SPHKAP: variants seen among roughly 807,000 people sequenced by gnomAD.
SPHKAP encodes the protein A-kinase anchor protein SPHKAP.
SPHKAP carries 67 observed loss-of-function variants against 137.5 expected under a neutral mutation model. That is an observed-to-expected ratio of 0.49 (90% CI 0.40 to 0.60). The LOEUF is 0.60. SPHKAP is among the 20% of genes least tolerant of loss of function. The probability of loss-of-function intolerance (pLI) is 0.00; values close to 1 mark genes in which losing one functional copy is unlikely to be tolerated. For missense variants in SPHKAP, 2,097 were observed against 2,069.3 expected (o/e 1.01, Z -0.26); for synonymous variants, 813 against 785.3 (o/e 1.04, Z -0.59).
At chr2:228,096,173 T>C (rs1298658412) in intron 3 of SPHKAP, among the ~76,000 whole-genome samples, 1 of 152,116 alleles carries the variant, frequency 6.6e-6, no homozygotes, top group Non-Finnish European at 1.5e-5. Flanking sequence ...ATGGCAAGCA[T>C]TCTAATGAAA....
At chr2:228,063,290 T>G (rs1281369268) in intron 3 of SPHKAP, among the ~76,000 whole-genome samples, 1 of 152,140 alleles carries the variant, frequency 6.6e-6, no homozygotes, top group Non-Finnish European at 1.5e-5. Flanking sequence ...TTGTTTTTGG[T>G]GTTGATGTCA....
chr2:228,099,938 C>G (rs1024645303), intron 3 of SPHKAP, among the ~76,000 whole-genome samples: 2 of 152,006 alleles, frequency 1.3e-5, no homozygotes, highest in African/African-American at 4.8e-5. Context: ...CAAGCTCCGC[C>G]TCCTGGGTTC....
At chr2:228,164,340 A>G (rs567793458) in intron 1 of SPHKAP, among the ~76,000 whole-genome samples, 1 of 152,200 alleles carries the variant, frequency 6.6e-6, no homozygotes, top group African/African-American at 2.4e-5. Flanking sequence ...CAGCTTGCAG[A>G]TGTCCTATTG....
intron 11 of SPHKAP, among the ~76,000 whole-genome samples, chr2:227,982,965 C>G (rs549214008): frequency 1.3e-5 from 2 of 151,970 alleles, no homozygotes; most frequent in Non-Finnish European, 2.9e-5. Context: ...ATTCTATGTT[C>G]TTGATATTTA....
In SPHKAP at chr2:228,149,144, TAGAG is replaced by T. The variant is rs535338014; in HGVS notation, c.33-17063_33-17060del. ...GTGTTTCTCAGGCTTAATATTCTAATAGAGAGAATTTTAAGACCACATAATTTAT... is the reference window on the plus strand; with the variant it reads ...GTGTTTCTCAGGCTTAATATTCTAATAGAATTTTAAGACCACATAATTTAT... On this transcript the variant is annotated intron_variant, in intron 1 of 11. Coordinates refer to ENST00000392056, the MANE Select transcript of SPHKAP (RefSeq NM_001142644.2). Among the ~76,000 whole-genome samples, 14 of 152,302 alleles carry T rather than the reference TAGAG, an allele frequency of 9.2e-5. No homozygotes were observed. The South Asian group carries it at 1.2e-3, about 14-fold the overall frequency.
chr2:228,022,058 T>C (rs1481155985), intron 5 of SPHKAP, 92 bp from the exon 6 acceptor site: 7 of 1,440,274 alleles, frequency 4.9e-6, no homozygotes, highest in Non-Finnish European at 6.4e-6. Context: ...GCTCTCCTGT[T>C]AATAGGAGTG....
chr2:227,999,807 G>A (rs2106175641), intron 7 of SPHKAP, among the ~76,000 whole-genome samples: 1 of 152,314 alleles, frequency 6.6e-6, no homozygotes, highest in South Asian at 2.1e-4. Context: ...ATGCACAGAG[G>A]TGTTGTGCAG....
At chr2:228,121,930 C>A (rs186501483) in intron 2 of SPHKAP, among the ~76,000 whole-genome samples, 157 of 152,110 alleles carry the variant, frequency 1.0e-3, no homozygotes, top group Middle Eastern at 6.8e-3. Flanking sequence ...GCTATGAGGA[C>A]AGGTGGGGAA....
At chr2:228,126,928 A>G (rs565524946) in intron 2 of SPHKAP, among the ~76,000 whole-genome samples, 1 of 152,212 alleles carries the variant, frequency 6.6e-6, no homozygotes, top group East Asian at 1.9e-4. Context: ...TCAATTTGCA[A>G]TTTTTTTCAG....
chr2:228,173,242 T>G (rs1324748097), intron 1 of SPHKAP, among the ~76,000 whole-genome samples: 1 of 152,176 alleles, frequency 6.6e-6, no homozygotes, highest in Non-Finnish European at 1.5e-5. Context: ...TAGTAGAATT[T>G]CATGTGTCAT....
At chr2:228,081,927 A>G (rs1697376364) in intron 3 of SPHKAP, among the ~76,000 whole-genome samples, 1 of 152,194 alleles carries the variant, frequency 6.6e-6, no homozygotes, top group South Asian at 2.1e-4. Context: ...AAAATTGCTA[A>G]GAAAGTAAAT....
intron 3 of SPHKAP, among the ~76,000 whole-genome samples, chr2:228,043,441 C>T (rs1463559256): frequency 6.6e-6 from 1 of 152,180 alleles, no homozygotes; most frequent in Non-Finnish European, 1.5e-5. Context: ...ATTCTCATGC[C>T]TCAGCCTCCC....
intron 7 of SPHKAP, among the ~76,000 whole-genome samples, chr2:228,002,300 T>G (rs1693939047): frequency 6.6e-6 from 1 of 152,232 alleles, no homozygotes; most frequent in African/African-American, 2.4e-5. Context: ...TGGTTTTGAT[T>G]TGCATTTCTC....
intron 2 of SPHKAP, among the ~76,000 whole-genome samples, chr2:228,116,940 C>A (rs1158931225): frequency 6.6e-6 from 1 of 152,026 alleles, no homozygotes. Context: ...TTTTTCATAT[C>A]ATTCCACCTG....
rs1487948537 is a variant in SPHKAP, at chr2:228,021,711, C to T, written c.697G>A (p.Asp233Asn). The T allele has an allele frequency of 1.2e-6, 2 of 1,607,084 alleles. No individual in the cohort carries two copies. The highest frequency in any genetic ancestry group is 1.1e-5 in the South Asian group (1 of 89,662). ...GAGGCACTAATTGGAAAGTTCTCAC[C>T]GTTCCTAGATTCATCCACCTCGCTT... ...EESEVDESRN[D>N]YENINVSANV... Residue 233 changes from aspartate to asparagine, a missense_variant and splice_region_variant, in exon 6 of 12, where the codon GAT becomes AAT. Transcript: ENST00000392056.
intron 3 of SPHKAP, among the ~76,000 whole-genome samples, chr2:228,071,072 C>T (rs1335620613): frequency 1.3e-5 from 2 of 152,128 alleles, no homozygotes; most frequent in Non-Finnish European, 2.9e-5. Context: ...TTGTCTACAC[C>T]TTCTTCTTGT....
intron 1 of SPHKAP, among the ~76,000 whole-genome samples, chr2:228,154,508 C>CTG (rs1331355468): frequency 1.2e-4 from 4 of 34,576 alleles, no homozygotes; most frequent in Non-Finnish European, 2.0e-4. Context: ...CTCTCTCTCT[C>CTG]TCTCTATATA....
At chr2:228,132,761 G>C (rs1699293515) in intron 1 of SPHKAP, among the ~76,000 whole-genome samples, 2 of 151,890 alleles carry the variant, frequency 1.3e-5, no homozygotes, top group Non-Finnish European at 2.9e-5. Context: ...ACTTTGGGAA[G>C]CTGAGGCAGG....
chr2:228,028,694 G>A (rs953342778), intron 3 of SPHKAP, among the ~76,000 whole-genome samples: 1 of 152,146 alleles, frequency 6.6e-6, no homozygotes. Flanking sequence ...GGAGTAATAG[G>A]TTATACCATA....
Sources: allele counts gnomAD v4.1 joint callset (sites outside exome capture counted in the v4.1 genomes callset), GRCh38; gene constraint gnomAD v4.1.1; transcripts MANE v1.5; gene names NCBI Gene and HGNC (gene_info 2026-07-23, HGNC 2026-07-21).